KIF17: variants seen among roughly 807,000 people sequenced by gnomAD.
The protein encoded by KIF17 is kinesin-like protein KIF17.
KIF17 carries 80 observed loss-of-function variants against 96.8 expected under a neutral mutation model. That is an observed-to-expected ratio of 0.83 (90% confidence interval 0.69 to 1.00). The LOEUF (loss-of-function observed/expected upper bound fraction) is 1.00. Among genes scored for constraint, KIF17 ranks in the 50% least tolerant of loss-of-function variants. The probability of loss-of-function intolerance (pLI) is 0.00; values close to 1 mark genes in which losing one functional copy is unlikely to be tolerated. For missense variants in KIF17, 1,280 were observed against 1,372.9 expected, an observed-to-expected ratio of 0.93 and a Z score of 1.07; for synonymous variants, 567 against 587.5, an observed-to-expected ratio of 0.97 and a Z score of 0.51.
downstream of KIF17, among the ~76,000 whole-genome samples, chr1:20,662,543 T>C (rs2053454794): frequency 6.6e-6 from 1 of 152,132 alleles, no homozygotes; most frequent in African/African-American, 2.4e-5. Flanking sequence ...TCTGCAGAGC[T>C]CCTGGCTCCT....
At chr1:20,717,440 C>G in intron 1 of KIF17, 36 bp downstream of exon 1, 1 of 1,606,626 alleles carries the variant, frequency 6.2e-7, no homozygotes, top group Non-Finnish European at 8.5e-7. Flanking sequence ...GCCTCATGCC[C>G]TGCCGCCTGC....
intron 11 of KIF17, among the ~76,000 whole-genome samples, chr1:20,681,090 C>T (rs2053822108): frequency 6.8e-6 from 1 of 147,484 alleles, no homozygotes; most frequent in African/African-American, 2.5e-5. Context: ...CTCGCCACTG[C>T]ACTCCAGCCT....
chr1:20,688,092 G>T (rs2053973204), intron 7 of KIF17, 148 bp from the exon 8 acceptor site: 2 of 698,384 alleles, frequency 2.9e-6, no homozygotes, highest in Non-Finnish European at 4.9e-6. Flanking sequence ...TGTCGCCCGG[G>T]CTGGAGTGCA....
At chr1:20,670,637 G>A in intron 12 of KIF17, 149 bp from the exon 13 acceptor site, 2 of 756,338 alleles carry the variant, frequency 2.6e-6, no homozygotes, top group Non-Finnish European at 2.3e-6. Flanking sequence ...TTAAGAAACA[G>A]ACAGCAGGAG....
Position 20,704,579 on chromosome 1 carries a change from G to C in KIF17, c.991C>G (p.Arg331Gly). ...GGCTTGTTCCTGATGTTCTTGGCCCGGTTGGCGTAGCGCAGCGTGCTGAGT... is the reference window on the plus strand; with the variant it reads ...GGCTTGTTCCTGATGTTCTTGGCCCCGTTGGCGTAGCGCAGCGTGCTGAGT... Reference protein sequence around the residue: ...ETLSTLRYANRAKNIRNKPRI... With the variant: ...ETLSTLRYANGAKNIRNKPRI... The change falls in exon 5 of 15, where the codon CGG (arginine) becomes GGG (glycine). Residue 331 changes from arginine (R) to glycine (G), a missense_variant. Arg to Gly is a moderately radical substitution (Grantham distance 125). Coordinates refer to ENST00000400463, the MANE Select transcript of KIF17 (RefSeq NM_001122819.3). The surrounding 1 kb of genome is among the most constrained non-coding windows in gnomAD (Gnocchi z 6.8). The C allele has an allele frequency of 6.2e-7, 1 of 1,614,182 alleles. No individual in the cohort carries two copies. Among genetic ancestry groups the C allele is most frequent in the Non-Finnish European group, 8.5e-7 (1 of 1,180,016 alleles).
chr1:20,705,526 C>A (rs1459577597), intron 4 of KIF17, among the ~76,000 whole-genome samples: 1 of 152,228 alleles, frequency 6.6e-6, no homozygotes, highest in African/African-American at 2.4e-5. Context: ...AATCAGCTCA[C>A]AAAGCCGCTG....
At chr1:20,684,624 G>A (rs1377895963) in intron 10 of KIF17, among the ~76,000 whole-genome samples, 185 bp downstream of exon 10, 1 of 152,192 alleles carries the variant, frequency 6.6e-6, no homozygotes, top group Non-Finnish European at 1.5e-5. Flanking sequence ...GCTGGTGGCA[G>A]CCTGTGTCTG....
chr1:20,716,702 G>A (rs939917998), intron 1 of KIF17, among the ~76,000 whole-genome samples: 9 of 152,200 alleles, frequency 5.9e-5, no homozygotes, highest in South Asian at 2.1e-4. Context: ...GATGAGGCCT[G>A]GAAGGAAGAG....
At chr1:20,702,074 G>A (rs572567621) in intron 5 of KIF17, among the ~76,000 whole-genome samples, 3 of 152,292 alleles carry the variant, frequency 2.0e-5, no homozygotes, top group South Asian at 2.1e-4. Context: ...GGAGCCCACC[G>A]TGCCAGGCCT....
chr1:20,689,342 G>A (rs760140119), intron 7 of KIF17, among the ~76,000 whole-genome samples: 14 of 152,148 alleles, frequency 9.2e-5, no homozygotes, highest in Admixed American at 5.9e-4. Flanking sequence ...AATATCCTAG[G>A]GTGGCAAAAA....
At chr1:20,703,499 CATGGATGGATGG>C (rs200289845) in intron 5 of KIF17, among the ~76,000 whole-genome samples, 21 of 145,184 alleles carry the variant, frequency 1.4e-4, no homozygotes, top group South Asian at 1.3e-3. Flanking sequence ...TGGATGGATG[CATGGATGGATGG>C]ATGGATGGAT....
Position 20,712,921 on chromosome 1 carries a change from A to G in KIF17, c.480+533T>C, listed in dbSNP as rs1235082236. ...ATTATCTATATTATATATATAATATATCTATATTATCTATAATATTATCTA... is the reference window on the plus strand; with the variant it reads ...ATTATCTATATTATATATATAATATGTCTATATTATCTATAATATTATCTA... On this transcript the variant is annotated intron_variant, in intron 3 of 14. Transcript: ENST00000400463. 2.6e-4 allele frequency among the ~76,000 whole-genome samples: 23 copies of G among 87,222 alleles called. 1 individual carries two copies. The highest frequency in any genetic ancestry group is 9.0e-4 in the African/African-American group (21 of 23,344). 57.2% of individuals were successfully genotyped at this position (87,222 alleles called of 152,430 possible).
chr1:20,686,199 T>G, intron 8 of KIF17, 73 bp from the exon 9 acceptor site: 1 of 1,326,260 alleles, frequency 7.5e-7, no homozygotes, highest in Non-Finnish European at 1.1e-6. Flanking sequence ...CCCTCACCCC[T>G]GGCCTCACTT....
chr1:20,690,973 C>T (rs551995278), intron 6 of KIF17, among the ~76,000 whole-genome samples: 6 of 152,086 alleles, frequency 3.9e-5, no homozygotes, highest in Middle Eastern at 3.4e-3. Context: ...AGGCGTGAGA[C>T]ACCACGCCCG....
At chr1:20,703,316 A>C (rs1370528533) in intron 5 of KIF17, among the ~76,000 whole-genome samples, 2 of 152,026 alleles carry the variant, frequency 1.3e-5, no homozygotes, top group Admixed American at 6.6e-5. Flanking sequence ...AGAAAGGATC[A>C]GTGGATGAAT....
chr1:20,713,935 C>A (rs2054528493), intron 2 of KIF17, among the ~76,000 whole-genome samples: 1 of 152,120 alleles, frequency 6.6e-6, no homozygotes, highest in Admixed American at 6.5e-5. Flanking sequence ...GCCTGTAATC[C>A]CAGCACTTTC....
At chr1:20,684,455 A>G (rs554730825) in intron 10 of KIF17, among the ~76,000 whole-genome samples, 67 of 152,324 alleles carry the variant, frequency 4.4e-4, no homozygotes, top group African/African-American at 1.6e-3. Flanking sequence ...GGTCCCAGAG[A>G]GTGCCTGGGG....
rs919006382 is a variant in KIF17 at position 20,704,142 on chromosome 1, G to A, written c.1123+305C>T. On this transcript the variant is annotated intron_variant, in intron 5 of 14. Transcript: ENST00000400463. The surrounding 1 kb of genome is among the most constrained non-coding windows in gnomAD (Gnocchi z 6.8). ...ACAATGCCACAGACAGCAGCAGACG[G>A]GGGTGTGGTGGGGGGTGTGGTGGGG... Among the ~76,000 whole-genome samples, 4 of 151,544 alleles carry A rather than the reference G, an allele frequency of 2.6e-5. No individual in the cohort carries two copies. The East Asian group carries it at 7.9e-4, about 30-fold the overall frequency.
chr1:20,684,794 T>C lies in KIF17; in HGVS notation c.2231+15A>G, dbSNP rs775201329. The C allele has an allele frequency of 1.3e-6, 2 of 1,560,886 alleles. No homozygotes were observed. Among genetic ancestry groups the C allele is most frequent in the Non-Finnish European group, 1.7e-6 (2 of 1,153,140 alleles). ...TCACCGTGGGGTCCCGCCAGCCCCA[T>C]GCTCTGCTGCTTACCGGGCCAGCAC... is the stretch of plus-strand genomic sequence containing the variant. On this transcript the variant is annotated intron_variant, in intron 10 of 14. Coordinates refer to ENST00000400463, the MANE Select transcript of KIF17 (RefSeq NM_001122819.3).
Sources: gnomAD v4.1 joint callset for allele counts (sites outside exome capture counted in the v4.1 genomes callset) on GRCh38, gnomAD v4.1.1 for gene constraint, Gnocchi (gnomAD v3.1) non-coding constraint, MANE v1.5 for transcripts, NCBI Gene and HGNC (gene_info 2026-07-23, HGNC 2026-07-21) for gene names.